The following P4HA1 variants were observed in gnomAD, a reference collection of about 807,000 sequenced individuals.
The protein encoded by P4HA1 is prolyl 4-hydroxylase subunit alpha 1, also known as prolyl 4-hydroxylase subunit alpha-1.
In P4HA1, 24 loss-of-function variants were observed where a neutral mutation model predicts 72.8. The ratio of observed to expected loss-of-function variants is 0.33; its 90% confidence interval spans 0.24 to 0.46. The LOEUF is 0.46. Among genes scored for constraint, P4HA1 ranks in the 20% least tolerant of loss-of-function variants. The probability of loss-of-function intolerance (pLI) is 1.00; values close to 1 mark genes in which losing one functional copy is unlikely to be tolerated. For synonymous variants in P4HA1, 201 were observed against 218.8 expected (o/e 0.92, Z 0.72); for missense variants, 446 against 640.6 (o/e 0.70, Z 3.28).
intron 12 of P4HA1, among the ~76,000 whole-genome samples, chr10:73,012,793 TTTTTTA>T (rs1406532871): frequency 6.6e-6 from 1 of 152,232 alleles, no homozygotes; most frequent in Admixed American, 6.5e-5. Flanking sequence ...TATATATATT[TTTTTTA>T]TTTTTATTTT....
At chr10:73,067,551 G>A (rs1339264832) in intron 5 of P4HA1, among the ~76,000 whole-genome samples, 1 of 151,994 alleles carries the variant, frequency 6.6e-6, no homozygotes. Context: ...CACCTGGTGC[G>A]TTCACCTCTT....
At chr10:73,009,443 A>C (rs2133025458) in intron 14 of P4HA1, among the ~76,000 whole-genome samples, 2 of 152,322 alleles carry the variant, frequency 1.3e-5, no homozygotes, top group East Asian at 1.9e-4. Flanking sequence ...GCTTTGAAGA[A>C]GACTCCCCAA....
chr10:73,076,251 CA>C (rs1357428395), intron 1 of P4HA1, among the ~76,000 whole-genome samples: 2 of 151,796 alleles, frequency 1.3e-5, no homozygotes, highest in Admixed American at 6.6e-5. Context: ...TTTTAAGAGA[CA>C]GGGGTCTTGT....
chr10:73,024,976 G>A (rs543846716), intron 10 of P4HA1, among the ~76,000 whole-genome samples: 1 of 152,308 alleles, frequency 6.6e-6, no homozygotes, highest in East Asian at 1.9e-4. Flanking sequence ...AACAGACTCT[G>A]AAATTGAGGC....
chr10:73,019,325 C>A (rs1840081008), intron 10 of P4HA1, among the ~76,000 whole-genome samples: 1 of 152,044 alleles, frequency 6.6e-6, no homozygotes, highest in Non-Finnish European at 1.5e-5. Context: ...CCAATTGTTC[C>A]ACTAGATGCA....
chr10:73,074,152 CTTTACT>C (rs1399551972), intron 2 of P4HA1: 2 of 219,510 alleles, frequency 9.1e-6, no homozygotes, highest in Admixed American at 1.2e-4. Flanking sequence ...TCACCTTTAC[CTTTACT>C]TCTTTAGTTC....
At chr10:73,080,458 TA>T (rs1361899809) in intron 1 of P4HA1, among the ~76,000 whole-genome samples, 1 of 152,252 alleles carries the variant, frequency 6.6e-6, no homozygotes, top group Non-Finnish European at 1.5e-5. Context: ...CCTCTGCATT[TA>T]AAATAGATTT....
At chr10:73,024,018 T>G (rs1343195044) in intron 10 of P4HA1, among the ~76,000 whole-genome samples, 2 of 152,152 alleles carry the variant, frequency 1.3e-5, no homozygotes, top group East Asian at 1.9e-4. Flanking sequence ...AAAAGAGACT[T>G]AGACTCTCAC....
At chr10:73,044,846 G>A (rs1391651571) in intron 9 of P4HA1, 135 bp downstream of exon 9, 28 of 572,786 alleles carry the variant, frequency 4.9e-5, no homozygotes, top group Non-Finnish European at 6.7e-5. Flanking sequence ...TTATCCATGC[G>A]TTATCCTGTT....
chr10:73,068,751 T>G, intron 5 of P4HA1, 95 bp downstream of exon 5: 1 of 1,032,596 alleles, frequency 9.7e-7, no homozygotes, highest in Non-Finnish European at 1.5e-6. Context: ...TTTAAAATCT[T>G]AAAATGCAAG....
At chr10:73,068,595 C>G (rs1841478804) in intron 5 of P4HA1, among the ~76,000 whole-genome samples, 1 of 152,116 alleles carries the variant, frequency 6.6e-6, no homozygotes, top group Non-Finnish European at 1.5e-5. Context: ...TCCTTACACA[C>G]TAAAATTCCC....
intron 10 of P4HA1, among the ~76,000 whole-genome samples, chr10:73,023,082 T>G (rs1053862219): frequency 6.6e-6 from 1 of 152,042 alleles, no homozygotes; most frequent in African/African-American, 2.4e-5. Context: ...TTCAGGAAAT[T>G]ATCCAGGAGA....
intron 1 of P4HA1, among the ~76,000 whole-genome samples, chr10:73,077,141 G>T (rs1226314111): frequency 6.6e-6 from 1 of 152,246 alleles, no homozygotes; most frequent in Non-Finnish European, 1.5e-5. Flanking sequence ...TCCTGCCAAA[G>T]CACAAGGCTT....
At chr10:73,084,538 G>A (rs1403259701) in intron 1 of P4HA1, among the ~76,000 whole-genome samples, 1 of 152,036 alleles carries the variant, frequency 6.6e-6, no homozygotes, top group East Asian at 1.9e-4. Flanking sequence ...TCCACCTCCA[G>A]GCTAGTCTCA....
intron 10 of P4HA1, among the ~76,000 whole-genome samples, chr10:73,027,790 A>C (rs191618282): frequency 7.1e-6 from 1 of 141,064 alleles, no homozygotes; most frequent in East Asian, 2.2e-4. Context: ...GCAAGCAAAC[A>C]TGGAAGGAAG....
intron 9 of P4HA1, among the ~76,000 whole-genome samples, chr10:73,034,920 G>A (rs1257644113): frequency 2.0e-5 from 3 of 151,990 alleles, no homozygotes; most frequent in Non-Finnish European, 4.4e-5. Flanking sequence ...TATAAGCAGG[G>A]TATCAGAAAT....
intron 1 of P4HA1, among the ~76,000 whole-genome samples, chr10:73,089,124 T>C (rs1841976713): frequency 1.3e-5 from 2 of 152,242 alleles, no homozygotes; most frequent in South Asian, 4.1e-4. Context: ...GAACATGATA[T>C]AATCAGTGTT....
At position 73,028,978 on chromosome 10, in the gene P4HA1, G is replaced by A. The variant is rs560314935; in HGVS notation, c.1248+1293C>T. ...GAGAATCACTTGAGCCCAGGAAGCA[G>A]AGGTCGCACTGATCCAAGATTGCAC... On this transcript the variant is annotated intron_variant, in intron 10 of 14. Coordinates refer to ENST00000394890, the MANE Select transcript of P4HA1 (RefSeq NM_001017962.3). 3.9e-5 allele frequency among the ~76,000 whole-genome samples: 6 copies of A among 152,134 alleles called. No homozygotes were observed. The South Asian group carries it at 1.2e-3, about 32-fold the overall frequency.
intron 9 of P4HA1, among the ~76,000 whole-genome samples, chr10:73,041,132 T>G (rs905958312): frequency 6.6e-6 from 1 of 152,122 alleles, no homozygotes; most frequent in Non-Finnish European, 1.5e-5. Flanking sequence ...AAATTTAAAT[T>G]TTCTTCATGT....
Sources: gnomAD v4.1 joint callset for allele counts (sites outside exome capture counted in the v4.1 genomes callset) on GRCh38, gnomAD v4.1.1 for gene constraint, MANE v1.5 for transcripts, NCBI Gene and HGNC (gene_info 2026-07-23, HGNC 2026-07-21) for gene names.